Variants in FAM227B observed in about 807,000 individuals in gnomAD.
FAM227B encodes protein FAM227B.
In FAM227B, 88 loss-of-function variants were observed where a neutral mutation model predicts 73.8. The observed-to-expected ratio is 1.19, with a 90% CI of 1.00 to 1.42. The LOEUF (loss-of-function observed/expected upper bound fraction) is 1.42. Among genes scored for constraint, FAM227B ranks in the 40% most tolerant of loss-of-function variants. The pLI is 0.00. For synonymous variants in FAM227B, 210 were observed against 190.5 expected (o/e 1.10, Z -0.84); for missense variants, 632 against 590.9 (o/e 1.07, Z -0.72).
At chr15:49,519,244 TTGGCATTGAG>T (rs2059608290) in intron 10 of FAM227B, among the ~76,000 whole-genome samples, 2 of 152,102 alleles carry the variant, frequency 1.3e-5, no homozygotes, top group African/African-American at 4.8e-5. Context: ...CTTTCATGGG[TTGGCATTGAG>T]TGTCTGTGGC....
chr15:49,615,201 A>G lies in FAM227B; in HGVS notation c.-30T>C, dbSNP rs374521570. The G allele has an allele frequency of 6.2e-7, 1 of 1,610,254 alleles. No individual in the cohort carries two copies. Among genetic ancestry groups the G allele is most frequent in the Non-Finnish European group, 8.5e-7 (1 of 1,176,404 alleles). On this transcript the variant is annotated 5_prime_UTR_variant, in exon 2 of 16. Transcript: ENST00000299338. ...CAGTAACTTTGCAGAAATGAAGAGA[A>G]ATCAGCTGGGTCTTAGGCTTCAATG...
intron 11 of FAM227B, chr15:49,484,660 T>C (rs1434843915): frequency 4.6e-5 from 21 of 456,988 alleles, no homozygotes; most frequent in Non-Finnish European, 7.6e-5. Flanking sequence ...TGTGCATTTA[T>C]GTTTGTTTTA....
At chr15:49,489,759 T>C (rs1384424999) in intron 11 of FAM227B, among the ~76,000 whole-genome samples, 2 of 135,626 alleles carry the variant, frequency 1.5e-5, no homozygotes, top group Non-Finnish European at 3.1e-5. Flanking sequence ...TATATATCTA[T>C]AGATATATAG....
At chr15:49,525,253 A>G (rs2060077869) in intron 10 of FAM227B, among the ~76,000 whole-genome samples, 1 of 151,964 alleles carries the variant, frequency 6.6e-6, no homozygotes, top group South Asian at 2.1e-4. Context: ...TGTTCTTGGG[A>G]TAGTGAATAA....
At position 49,591,032 on chromosome 15, in the gene FAM227B, T is replaced by TTG. The variant is rs1567655456; in HGVS notation, c.106-1026_106-1025insCA. Among the ~76,000 whole-genome samples the TTG allele has an allele frequency of 2.8e-5, 4 of 142,682 alleles. No individual in the cohort carries two copies. In the East Asian group the frequency reaches 8.4e-4, roughly 30 times the overall value. The allele number at this position is 142,682 out of a possible 152,430, so 93.6% of individuals were successfully genotyped here. ...TCTTTCTCTTTCTCTTTTTTTTGTTTTTTTTTTTTTTGATTTTTTTTTTTT... is the reference window on the plus strand; with the variant it reads ...TCTTTCTCTTTCTCTTTTTTTTGTTTTGTTTTTTTTTTTGATTTTTTTTTTTT... On this transcript the variant is annotated intron_variant, in intron 3 of 15. Coordinates refer to ENST00000299338, the MANE Select transcript of FAM227B (RefSeq NM_152647.3).
chr15:49,370,657 C>A (rs1318345963), intron 12 of FAM227B, among the ~76,000 whole-genome samples: 1 of 152,112 alleles, frequency 6.6e-6, no homozygotes, highest in Non-Finnish European at 1.5e-5. Flanking sequence ...TCTTATCAGA[C>A]TGGATAAGAT....
chr15:49,344,689 T>A (rs111379796), intron 13 of FAM227B, among the ~76,000 whole-genome samples: 2,067 of 152,290 alleles, frequency 0.014, 30 homozygotes, highest in Middle Eastern at 0.068. Flanking sequence ...AAACAAGAAG[T>A]CTGCAATCTC....
At chr15:49,411,616 G>C (rs2151686892) in intron 11 of FAM227B, among the ~76,000 whole-genome samples, 1 of 152,204 alleles carries the variant, frequency 6.6e-6, no homozygotes, top group East Asian at 1.9e-4. Context: ...TTTTGAAATA[G>C]ACTTTTACTT....
chr15:49,387,532 G>A (rs978078674), intron 11 of FAM227B, among the ~76,000 whole-genome samples: 1 of 151,736 alleles, frequency 6.6e-6, no homozygotes, highest in Non-Finnish European at 1.5e-5. Context: ...CTTACTGAAT[G>A]GGGAAAAGTT....
intron 11 of FAM227B, among the ~76,000 whole-genome samples, chr15:49,430,200 T>C (rs1813560945): frequency 6.6e-6 from 1 of 151,934 alleles, no homozygotes; most frequent in Non-Finnish European, 1.5e-5. Flanking sequence ...AAGACTGCTT[T>C]GGTGAATGAG....
intron 11 of FAM227B, among the ~76,000 whole-genome samples, chr15:49,391,486 C>G (rs2047208422): frequency 6.6e-6 from 1 of 152,034 alleles, no homozygotes; most frequent in Non-Finnish European, 1.5e-5. Context: ...ACCCAGACCC[C>G]CATCAGATGG....
At chr15:49,489,860 T>A (rs12909301) in intron 11 of FAM227B, among the ~76,000 whole-genome samples, 386 of 6,746 alleles carry the variant, frequency 0.057, 35 homozygotes, top group East Asian at 0.2. Context: ...TATATATATT[T>A]TATATATATA....
chr15:49,397,049 G>A (rs972532478), intron 11 of FAM227B, among the ~76,000 whole-genome samples: 21 of 152,160 alleles, frequency 1.4e-4, no homozygotes, highest in African/African-American at 5.1e-4. Context: ...AAATTACTCT[G>A]AGCTACGGGA....
chr15:49,558,197 C>A (rs546225984), intron 9 of FAM227B, among the ~76,000 whole-genome samples: 4 of 152,072 alleles, frequency 2.6e-5, no homozygotes, highest in African/African-American at 9.6e-5. Context: ...AGACTAAAGA[C>A]CGTGTGACCC....
chr15:49,357,754 T>G (rs570792554), intron 13 of FAM227B, among the ~76,000 whole-genome samples: 2 of 152,260 alleles, frequency 1.3e-5, no homozygotes, highest in South Asian at 4.2e-4. Flanking sequence ...AGCATCATTC[T>G]GATACCAAAG....
rs549506430 is a variant in FAM227B at position 49,405,133 on chromosome 15, T to C, written c.1013-33734A>G. Among the ~76,000 whole-genome samples, 7 of 152,352 alleles carry C rather than the reference T, an allele frequency of 4.6e-5. No homozygotes were observed. In the East Asian group the frequency reaches 1.3e-3, roughly 29 times the overall value. ...GCTGAGAAGCCCTCTGTTAGTCTTATGGGCTTCCCTTTGTAGGTGACCTGA... is the reference window on the plus strand; with the variant it reads ...GCTGAGAAGCCCTCTGTTAGTCTTACGGGCTTCCCTTTGTAGGTGACCTGA... On this transcript the variant is annotated intron_variant, in intron 11 of 15. Coordinates refer to ENST00000299338, the MANE Select transcript of FAM227B (RefSeq NM_152647.3).
intron 13 of FAM227B, among the ~76,000 whole-genome samples, chr15:49,351,321 T>A (rs1364976644): frequency 6.6e-6 from 1 of 152,186 alleles, no homozygotes; most frequent in African/African-American, 2.4e-5. Context: ...TCCTTTTAGA[T>A]CATGTTAAAG....
chr15:49,593,676 A>G (rs1291328806), intron 3 of FAM227B, among the ~76,000 whole-genome samples: 2 of 151,942 alleles, frequency 1.3e-5, no homozygotes, highest in African/African-American at 4.8e-5. Context: ...CTTGTAAGTG[A>G]GAACATACGA....
At chr15:49,440,945 T>C (rs1447467179) in intron 11 of FAM227B, among the ~76,000 whole-genome samples, 1 of 151,778 alleles carries the variant, frequency 6.6e-6, no homozygotes, top group Non-Finnish European at 1.5e-5. Flanking sequence ...TGGAAAAAAC[T>C]GTAACAAGAA....
Sources: gnomAD v4.1 joint callset for allele counts (sites outside exome capture counted in the v4.1 genomes callset) on GRCh38, gnomAD v4.1.1 for gene constraint, MANE v1.5 for transcripts, NCBI Gene and HGNC (gene_info 2026-07-23, HGNC 2026-07-21) for gene names.